MYRIP: variants seen among roughly 807,000 people sequenced by gnomAD.
MYRIP encodes the protein rab effector MyRIP.
A neutral mutation model predicts 98.0 loss-of-function variants in MYRIP; 49 were observed. That is an observed-to-expected ratio of 0.50 (90% confidence interval 0.40 to 0.63). MYRIP has a LOEUF of 0.63. Ranked by LOEUF, MYRIP falls within the 30% of genes least tolerant of loss-of-function variation. The probability of loss-of-function intolerance (pLI) is 0.00; values close to 1 mark genes in which losing one functional copy is unlikely to be tolerated. For missense variants in MYRIP, 1,004 were observed against 1,058.2 expected (o/e 0.95, Z 0.71); for synonymous variants, 404 against 409.5 (o/e 0.99, Z 0.16).
Position 40,166,957 on chromosome 3 carries a change from T to A in MYRIP, c.648+14T>A. The A allele has an allele frequency of 6.3e-7, 1 of 1,597,076 alleles. No homozygotes were observed. The highest frequency in any genetic ancestry group is 8.6e-7 in the Non-Finnish European group (1 of 1,164,628). ...GGGGACAGCCTGGTAGGGCCCCTCC[T>A]GCTCCTCTCTGTGGGGGGAGGTGTG... On this transcript the variant is annotated intron_variant, in intron 6 of 16. Coordinates refer to ENST00000302541, the MANE Select transcript of MYRIP (RefSeq NM_015460.4).
chr3:40,192,315 T>TATACACATATATATATGTC (rs1553624958), intron 10 of MYRIP, among the ~76,000 whole-genome samples: 2 of 21,150 alleles, frequency 9.5e-5, no homozygotes, highest in African/African-American at 1.7e-4. Context: ...TCTTCATATA[T>TATACACATATATATATGTC]ATATATATAT....
intron 1 of MYRIP, among the ~76,000 whole-genome samples, chr3:39,832,631 T>C (rs1941484695): frequency 1.3e-5 from 2 of 152,196 alleles, no homozygotes; most frequent in Admixed American, 6.5e-5. Flanking sequence ...TTTTGTTTTT[T>C]AAAGACTTTA....
chr3:40,133,693 C>T (rs1158728360), intron 3 of MYRIP, among the ~76,000 whole-genome samples: 1 of 152,164 alleles, frequency 6.6e-6, no homozygotes, highest in Non-Finnish European at 1.5e-5. Flanking sequence ...GCTGAGATCA[C>T]ACCACTGTAT....
intron 1 of MYRIP, among the ~76,000 whole-genome samples, chr3:39,825,521 G>A (rs554177107): frequency 1.1e-3 from 168 of 152,204 alleles, no homozygotes; most frequent in Non-Finnish European, 2.0e-3. Context: ...TTGAACCATC[G>A]CTGTATCCTT....
intron 1 of MYRIP, among the ~76,000 whole-genome samples, chr3:39,866,118 C>T (rs1403916292): frequency 6.6e-6 from 1 of 151,916 alleles, no homozygotes; most frequent in Non-Finnish European, 1.5e-5. Context: ...GTGGGAGCTA[C>T]ACATTGAGTA....
At chr3:39,912,335 A>G (rs944549800) in intron 2 of MYRIP, among the ~76,000 whole-genome samples, 18 of 152,216 alleles carry the variant, frequency 1.2e-4, no homozygotes, top group African/African-American at 4.3e-4. Flanking sequence ...TGGAATTAGT[A>G]CTAGAATAAT....
At chr3:40,135,415 T>C (rs1159528457) in intron 3 of MYRIP, among the ~76,000 whole-genome samples, 1 of 152,194 alleles carries the variant, frequency 6.6e-6, no homozygotes, top group African/African-American at 2.4e-5. Context: ...GATTGGTGTA[T>C]CTGAAAGTGA....
intron 3 of MYRIP, among the ~76,000 whole-genome samples, chr3:40,056,231 C>A (rs1947882555): frequency 6.6e-6 from 1 of 152,202 alleles, no homozygotes; most frequent in South Asian, 2.1e-4. Context: ...TCCCTTGCCA[C>A]CACCACACAT....
chr3:39,941,278 T>A (rs1170616664), intron 2 of MYRIP, among the ~76,000 whole-genome samples: 1 of 152,098 alleles, frequency 6.6e-6, no homozygotes, highest in Non-Finnish European at 1.5e-5. Context: ...CAGGCTCTTT[T>A]AGGCACCAGC....
chr3:40,134,648 G>T (rs1309323199), intron 3 of MYRIP, among the ~76,000 whole-genome samples: 1 of 152,234 alleles, frequency 6.6e-6, no homozygotes, highest in African/African-American at 2.4e-5. Context: ...GGGGCGGACT[G>T]ATGCCTCACA....
chr3:40,151,662 A>G (rs1233704993), intron 4 of MYRIP, among the ~76,000 whole-genome samples: 6 of 152,222 alleles, frequency 3.9e-5, no homozygotes, highest in African/African-American at 9.6e-5. Context: ...CTCCCAGGAA[A>G]CTTGAAGGAT....
In MYRIP at chr3:39,843,198, C is replaced by A. The variant is rs147367046; in HGVS notation, c.-31+33282C>A. ...TAGGATATTATCTAGGGTCAAATTTCTTTATAGTGTTATTGCTTATATATG... is the reference window on the plus strand; with the variant it reads ...TAGGATATTATCTAGGGTCAAATTTATTTATAGTGTTATTGCTTATATATG... On this transcript the variant is annotated intron_variant, in intron 1 of 16. Transcript: ENST00000302541. Among the ~76,000 whole-genome samples the A allele has an allele frequency of 8.6e-3, 1,306 of 152,124 alleles. 23 individuals are homozygous for A. Among genetic ancestry groups the A allele is most frequent in the African/African-American group, 0.029 (1,217 of 41,510 alleles).
chr3:39,862,006 C>T (rs963040450), intron 1 of MYRIP, among the ~76,000 whole-genome samples: 6 of 151,936 alleles, frequency 3.9e-5, no homozygotes, highest in African/African-American at 1.5e-4. Flanking sequence ...TGTGAAATAC[C>T]ACACAAGAAG....
At chr3:39,835,700 T>G (rs1941598576) in intron 1 of MYRIP, among the ~76,000 whole-genome samples, 1 of 152,144 alleles carries the variant, frequency 6.6e-6, no homozygotes, top group African/African-American at 2.4e-5. Context: ...CCTATCAACC[T>G]GTTATCTACA....
intron 3 of MYRIP, among the ~76,000 whole-genome samples, chr3:40,080,412 A>G: frequency 6.6e-6 from 1 of 152,052 alleles, no homozygotes; most frequent in East Asian, 1.9e-4. Flanking sequence ...TTTTGGTATT[A>G]ATGTTACACT....
intron 1 of MYRIP, among the ~76,000 whole-genome samples, chr3:39,885,939 T>A (rs1943288251): frequency 1.3e-5 from 2 of 151,992 alleles, no homozygotes; most frequent in African/African-American, 4.8e-5. Flanking sequence ...GCCTTTGGTT[T>A]GAATGTCCTC....
At chr3:39,957,405 T>TA (rs1199049745) in intron 2 of MYRIP, among the ~76,000 whole-genome samples, 5 of 149,070 alleles carry the variant, frequency 3.4e-5, no homozygotes, top group African/African-American at 1.3e-4. Flanking sequence ...ATCCATCATA[T>TA]AAACAGAACC....
rs570914906 is a variant in MYRIP, at chr3:39,875,420, T to C, written c.-30-25367T>C. 1.4e-4 allele frequency among the ~76,000 whole-genome samples: 21 copies of C among 151,708 alleles called. No individual in the cohort carries two copies. The South Asian group carries it at 4.4e-3, about 32-fold the overall frequency. On this transcript the variant is annotated intron_variant, in intron 1 of 16. Transcript: ENST00000302541. ...TTTGCTCTTGCTTTTCTAGTTCTTT[T>C]AATTGTGATGTTAGGGTGTCAATTT...
At chr3:40,169,165 A>G (rs1266180672) in intron 7 of MYRIP, among the ~76,000 whole-genome samples, 1 of 152,204 alleles carries the variant, frequency 6.6e-6, no homozygotes, top group East Asian at 1.9e-4. Context: ...AATGGGAGGC[A>G]CCGGCAGTCA....
Sources: gnomAD v4.1 joint callset for allele counts (sites outside exome capture counted in the v4.1 genomes callset) on GRCh38, gnomAD v4.1.1 for gene constraint, MANE v1.5 for transcripts, NCBI Gene and HGNC (gene_info 2026-07-23, HGNC 2026-07-21) for gene names.